LPIN3: variants seen among roughly 807,000 people sequenced by gnomAD.
LPIN3 encodes the protein phosphatidate phosphatase LPIN3.
LPIN3 carries 82 observed loss-of-function variants against 94.7 expected under a neutral mutation model. The ratio of observed to expected loss-of-function variants is 0.87; its 90% confidence interval spans 0.72 to 1.04. LPIN3 has a LOEUF of 1.04. Among genes scored for constraint, LPIN3 ranks in the 50% least tolerant of loss-of-function variants. The pLI is 0.00. For synonymous variants in LPIN3, 418 were observed against 443.3 expected, an observed-to-expected ratio of 0.94 and a Z score of 0.72; for missense variants, 996 against 1,090.5, an observed-to-expected ratio of 0.91 and a Z score of 1.22.
rs377188716 is a variant in LPIN3 at position 41,345,833 on chromosome 20, G to C, written c.30G>C (p.Thr10=). The C allele has an allele frequency of 1.2e-6, 2 of 1,613,676 alleles. No individual in the cohort carries two copies. Among genetic ancestry groups the C allele is most frequent in the East Asian group, 4.5e-5 (2 of 44,854 alleles). The change falls in exon 2 of 20, where the codon ACG becomes ACC. Residue 10 remains threonine (T), a synonymous_variant. Coordinates refer to ENST00000373257, the MANE Select transcript of LPIN3 (RefSeq NM_022896.3). The part of the protein sequence containing the change: MNYVGQLAE[T]VFGTVKELYR... The stretch of plus-strand genomic sequence containing the variant: ...ACTACGTGGGGCAGCTGGCGGAGAC[G>C]GTGTTTGGGACGGTGAAGGAGCTGT...
At chr20:41,346,459 G>A (rs1189255045) in intron 2 of LPIN3, among the ~76,000 whole-genome samples, 8 of 152,340 alleles carry the variant, frequency 5.3e-5, no homozygotes, top group South Asian at 4.1e-4. Flanking sequence ...ATCCACTTCA[G>A]GCTGGGCATG....
Position 41,345,812 on chromosome 20 carries a change from C to T in LPIN3, c.9C>T (p.Tyr3=), listed in dbSNP as rs41277012. The change falls in exon 2 of 20, where the codon TAC becomes TAT. Residue 3 remains tyrosine (Y), a synonymous_variant. Coordinates refer to ENST00000373257, the MANE Select transcript of LPIN3 (RefSeq NM_022896.3). ...CTTTGCCAGCACCAGCCATGAACTACGTGGGGCAGCTGGCGGAGACGGTGT... is the reference window on the plus strand; with the variant it reads ...CTTTGCCAGCACCAGCCATGAACTATGTGGGGCAGCTGGCGGAGACGGTGT... The part of the protein sequence containing the change: MN[Y]VGQLAETVFG... 1.3e-3 allele frequency: 2,087 copies of T among 1,612,074 alleles called. 2 individuals carry two copies. Among genetic ancestry groups the T allele is most frequent in the Non-Finnish European group, 1.7e-3 (2,002 of 1,178,594 alleles).
intron 1 of LPIN3, among the ~76,000 whole-genome samples, chr20:41,342,455 G>A (rs1391115085): frequency 1.3e-5 from 2 of 152,202 alleles, no homozygotes; most frequent in East Asian, 3.9e-4. Context: ...GGGGTATTCG[G>A]CTTCCTGGGA....
Position 41,355,947 on chromosome 20 carries a change from G to C in LPIN3, c.1716G>C (p.Val572=), listed in dbSNP as rs755420464. 1 of 1,614,124 alleles carries C rather than the reference G, an allele frequency of 6.2e-7. No individual in the cohort carries two copies. The highest frequency in any genetic ancestry group is 1.7e-5 in the Admixed American group (1 of 60,014). The stretch of plus-strand genomic sequence containing the variant: ...ATGACGATGCCCCAGACAGCCCTGT[G>C]ATCCTGGAGATCCCCTCCTTGCCAC... ...SSDDDAPDSP[V]ILEIPSLPPS... The change falls in exon 14 of 20, where the codon GTG becomes GTC. Residue 572 remains valine, a synonymous_variant. Transcript: ENST00000373257.
chr20:41,345,462 C>T (rs894459278), intron 1 of LPIN3, among the ~76,000 whole-genome samples: 6 of 152,246 alleles, frequency 3.9e-5, no homozygotes, highest in Non-Finnish European at 8.8e-5. Flanking sequence ...GCCGTACCCA[C>T]GGAACACTGT....
Position 41,358,887 on chromosome 20 carries a change from C to T in LPIN3, c.*21C>T. The T allele has an allele frequency of 6.2e-7, 1 of 1,613,072 alleles. No homozygotes were observed. Among genetic ancestry groups the T allele is most frequent in the Non-Finnish European group, 8.5e-7 (1 of 1,179,566 alleles). ...ACTGAACCTGCCCTGGCTGGCTCCT[C>T]CTCCCTGGCCCGGCCCAGGACTGGC... is the stretch of plus-strand genomic sequence containing the variant. On this transcript the variant is annotated 3_prime_UTR_variant, in exon 20 of 20. Transcript: ENST00000373257.
Position 41,348,554 on chromosome 20 carries a change from A to G in LPIN3, c.289-65A>G, listed in dbSNP as rs1600717936. 4.6e-6 allele frequency: 7 copies of G among 1,538,390 alleles called. No individual in the cohort carries two copies. In the East Asian group the frequency reaches 1.6e-4, roughly 35 times the overall value. Reference sequence around the variant, plus strand: ...TGGGACCCAGGCAAGGCTCAAGATGACTGTGTGGTGAGCGCAGCCCCACTA... The same window carrying G: ...TGGGACCCAGGCAAGGCTCAAGATGGCTGTGTGGTGAGCGCAGCCCCACTA... On this transcript the variant is annotated intron_variant, in intron 3 of 19. Transcript: ENST00000373257.
chr20:41,354,965 G>T, intron 13 of LPIN3, 102 bp downstream of exon 13: 1 of 1,173,392 alleles, frequency 8.5e-7, no homozygotes, highest in Non-Finnish European at 1.2e-6. Context: ...GTCTCCAGCT[G>T]TGGGTTTTTT....
Position 41,352,122 on chromosome 20 carries a change from C to T in LPIN3, c.1265C>T (p.Pro422Leu). ...EPSSQKSLRD[P>L]NPEHEPEPTL... ...AGCAGTCAGAAGTCCCTGAGGGACC[C>T]CAACCCTGAACATGAACCTGAACCC... Residue 422 changes from proline (P) to leucine (L), a missense_variant, in exon 9 of 20, where the codon CCC (proline) becomes CTC (leucine). Physicochemically the swap from Pro to Leu is moderately conservative, Grantham distance 98. Coordinates refer to ENST00000373257, the MANE Select transcript of LPIN3 (RefSeq NM_022896.3). The T allele has an allele frequency of 6.2e-7, 1 of 1,614,232 alleles. No individual in the cohort carries two copies. The highest frequency in any genetic ancestry group is 8.5e-7 in the Non-Finnish European group (1 of 1,180,046).
intron 16 of LPIN3, 45 bp from the exon 17 acceptor site, chr20:41,357,837 G>A: frequency 6.2e-6 from 10 of 1,611,076 alleles, no homozygotes; most frequent in East Asian, 2.2e-5. Context: ...GATGGGGGCT[G>A]GCTGGTCTCT....
chr20:41,352,218 TA>T lies in LPIN3; in HGVS notation c.1362del (p.Glu455ArgfsTer25). On this transcript the variant is annotated frameshift_variant and splice_region_variant, in exon 9 of 20. Transcript: ENST00000373257. LOFTEE classifies it high-confidence loss of function. Reference protein sequence around the residue: ...GGLADSRDISLEKFNQHSVSY... With the variant: ...GGLADSRDISXEKFNQHSVSY... ...CTGGCTGACAGCCGGGACATCTCCCTAGGTATGTTCGACCATGGCCAAGCCC... is the reference window on the plus strand; with the variant it reads ...CTGGCTGACAGCCGGGACATCTCCCTGGTATGTTCGACCATGGCCAAGCCC... 2 of 1,614,144 alleles carry T rather than the reference TA, an allele frequency of 1.2e-6. No individual in the cohort carries two copies. Among genetic ancestry groups the T allele is most frequent in the Non-Finnish European group, 1.7e-6 (2 of 1,180,008 alleles).
At chr20:41,350,515 C>G (rs949110547) in intron 7 of LPIN3, 118 bp downstream of exon 7, 1 of 791,072 alleles carries the variant, frequency 1.3e-6, no homozygotes, top group Non-Finnish European at 2.0e-6. Context: ...GTTCTTGGCA[C>G]CAGCCTCATG....
At chr20:41,354,925 A>G in intron 13 of LPIN3, 62 bp downstream of exon 13, 1 of 1,506,004 alleles carries the variant, frequency 6.6e-7, no homozygotes, top group Non-Finnish European at 8.9e-7. Flanking sequence ...CCCTGGGTGC[A>G]GGTGGGTGGC....
Position 41,350,411 on chromosome 20 carries a change from G to C in LPIN3, c.1102+14G>C. On this transcript the variant is annotated intron_variant, in intron 7 of 19. Transcript: ENST00000373257. ...CCAGGGGGAAAGGTGAGTGACGCTGGGTCTCTCCCACTGCCTCCCTGGCCT... is the reference window on the plus strand; with the variant it reads ...CCAGGGGGAAAGGTGAGTGACGCTGCGTCTCTCCCACTGCCTCCCTGGCCT... 1 of 1,537,630 alleles carries C rather than the reference G, an allele frequency of 6.5e-7. No individual in the cohort carries two copies. The highest frequency in any genetic ancestry group is 1.2e-5 in the South Asian group (1 of 80,268).
chr20:41,348,439 T>C (rs111524209), intron 3 of LPIN3, among the ~76,000 whole-genome samples, 180 bp from the exon 4 acceptor site: 2 of 152,292 alleles, frequency 1.3e-5, no homozygotes, highest in African/African-American at 2.4e-5. Flanking sequence ...GGTGGCTCTG[T>C]TGGGGACCTC....
chr20:41,349,935 G>A (rs2045941946), intron 6 of LPIN3, 41 bp downstream of exon 6: 7 of 1,585,422 alleles, frequency 4.4e-6, no homozygotes, highest in Non-Finnish European at 5.1e-6. Context: ...GCCTTTCAGG[G>A]GCTCTGTGGC....
rs1227081406 is a variant in LPIN3 at position 41,360,026 on chromosome 20, A to C, written c.*1160A>C. The C allele has an allele frequency of 1.3e-5, 2 of 152,670 alleles. No individual in the cohort carries two copies. The highest frequency in any genetic ancestry group is 2.9e-5 in the Non-Finnish European group (2 of 68,070). 9.5% of individuals were successfully genotyped at this position (152,670 alleles called of 1,614,324 possible). A position where few individuals can be genotyped will look rare whatever the true frequency, so the allele number is the denominator to read the frequency against. ...CTCTGATAGTACCAGAGTGGAGGGCAGAATACCAAATGTCCAGGAACCAAA... is the reference window on the plus strand; with the variant it reads ...CTCTGATAGTACCAGAGTGGAGGGCCGAATACCAAATGTCCAGGAACCAAA... On this transcript the variant is annotated 3_prime_UTR_variant, in exon 20 of 20. Coordinates refer to ENST00000373257, the MANE Select transcript of LPIN3 (RefSeq NM_022896.3).
chr20:41,342,667 TG>T lies in LPIN3; in HGVS notation c.-9+1672del, dbSNP rs201331725. On this transcript the variant is annotated intron_variant, in intron 1 of 19. Transcript: ENST00000373257. ...CCCCAAAATGCTGAGCAGGCAGATGTGGGGGGGCTCACTGGAAGCCCCCAAA... is the reference window on the plus strand; with the variant it reads ...CCCCAAAATGCTGAGCAGGCAGATGTGGGGGGCTCACTGGAAGCCCCCAAA... Among the ~76,000 whole-genome samples, 22 of 139,934 alleles carry T rather than the reference TG, an allele frequency of 1.6e-4. No individual in the cohort carries two copies. In the East Asian group the frequency reaches 2.2e-3, roughly 14 times the overall value. The allele number at this position is 139,934 out of a possible 152,430, so 91.8% of individuals were successfully genotyped here.
At chr20:41,353,510 C>G (rs938433727) in intron 11 of LPIN3, among the ~76,000 whole-genome samples, 2 of 152,110 alleles carry the variant, frequency 1.3e-5, no homozygotes, top group African/African-American at 4.8e-5. Flanking sequence ...AGCAAGTGCC[C>G]GCTGTGCAGA....
Sources: gnomAD v4.1 joint callset for allele counts (sites outside exome capture counted in the v4.1 genomes callset) on GRCh38, gnomAD v4.1.1 for gene constraint, MANE v1.5 for transcripts, NCBI Gene and HGNC (gene_info 2026-07-23, HGNC 2026-07-21) for gene names.